The following PRUNE2 variants were observed in gnomAD, a reference collection of about 807,000 sequenced individuals.
The protein encoded by PRUNE2 is prune homolog 2 with BCH domain.
Under a neutral mutation model 252.0 loss-of-function variants are expected in PRUNE2, and 164 were observed. The observed-to-expected ratio is 0.65, with a 90% CI of 0.57 to 0.74. The LOEUF (loss-of-function observed/expected upper bound fraction) is 0.74, where lower values mean the gene tolerates loss of function less well. Among genes scored for constraint, PRUNE2 ranks in the 30% least tolerant of loss-of-function variants. The pLI is 0.00. For missense variants in PRUNE2, 3,495 were observed against 3,711.0 expected, an observed-to-expected ratio of 0.94 and a Z score of 1.51; for synonymous variants, 1,292 against 1,350.2, an observed-to-expected ratio of 0.96 and a Z score of 0.94.
At chr9:76,702,749 A>G (rs2045993643) in intron 9 of PRUNE2, among the ~76,000 whole-genome samples, 1 of 152,224 alleles carries the variant, frequency 6.6e-6, no homozygotes, top group Admixed American at 6.5e-5. Context: ...AGGTGCTTAC[A>G]TAAAACCAGA....
chr9:76,619,062 C>A (rs1168513506), intron 18 of PRUNE2, among the ~76,000 whole-genome samples: 2 of 152,214 alleles, frequency 1.3e-5, no homozygotes, highest in Non-Finnish European at 2.9e-5. Flanking sequence ...CCCAAATGTT[C>A]TTACATCTGG....
At chr9:76,676,182 CCTGCGG>C (rs761152538) in intron 9 of PRUNE2, among the ~76,000 whole-genome samples, 15 of 151,256 alleles carry the variant, frequency 9.9e-5, no homozygotes, top group Non-Finnish European at 2.1e-4. Context: ...GCTTGTTTAA[CCTGCGG>C]CTGCAGATGG....
chr9:76,634,053 A>C, intron 15 of PRUNE2, among the ~76,000 whole-genome samples: 1 of 152,238 alleles, frequency 6.6e-6, no homozygotes, highest in African/African-American at 2.4e-5. Context: ...CTGAGGCTGC[A>C]GTAAGCCATG....
chr9:76,615,130 G>T (rs557212048), intron 18 of PRUNE2: 1 of 985,554 alleles, frequency 1.0e-6, no homozygotes, highest in African/African-American at 1.7e-5. Context: ...CTAAAGAAAA[G>T]CTTGTTTTTC....
chr9:76,645,761 G>A (rs1844588086), intron 11 of PRUNE2, among the ~76,000 whole-genome samples: 1 of 152,092 alleles, frequency 6.6e-6, no homozygotes, highest in Admixed American at 6.5e-5. Context: ...TAATCTGAAA[G>A]AAAAGATTAT....
rs375607609 is a variant in PRUNE2 at position 76,684,877 on chromosome 9, G to T, written c.8276+18460C>A. On this transcript the variant is annotated intron_variant, in intron 9 of 18. Coordinates refer to ENST00000376718, the MANE Select transcript of PRUNE2 (RefSeq NM_015225.3). ...AGCAATTCTTCTGCATCAGCCTCCC[G>T]AGTAGCTGGGATTACAGGAGTGCAC... 8.0e-4 allele frequency among the ~76,000 whole-genome samples: 122 copies of T among 152,176 alleles called. 2 individuals carry two copies. The East Asian group carries it at 0.018, about 22-fold the overall frequency.
rs1840682300 is a variant in PRUNE2 at position 76,637,504 on chromosome 9, C to A, written c.8877G>T (p.Met2959Ile). The A allele has an allele frequency of 6.2e-7, 1 of 1,613,184 alleles. No homozygotes were observed. Among genetic ancestry groups the A allele is most frequent in the African/African-American group, 1.3e-5 (1 of 74,886 alleles). ...GGGTTGCACCATTCAAGTACACAATCATATAGTCTTCAGCTACCATCAACT... is the reference window on the plus strand; with the variant it reads ...GGGTTGCACCATTCAAGTACACAATAATATAGTCTTCAGCTACCATCAACT... ...TLELMVAEDY[M>I]IVYLNGATPR... Residue 2959 changes from methionine to isoleucine, a missense_variant, in exon 14 of 19, where the codon ATG becomes ATT. Physicochemically the swap from Met to Ile is conservative, Grantham distance 10. Transcript: ENST00000376718.
At chr9:76,823,067 G>A (rs1443194114) in intron 6 of PRUNE2, among the ~76,000 whole-genome samples, 1 of 152,110 alleles carries the variant, frequency 6.6e-6, no homozygotes, top group Non-Finnish European at 1.5e-5. Flanking sequence ...TCCCAAAGTA[G>A]ACAAAAGATA....
chr9:76,903,561 A>G (rs2063306661), intron 1 of PRUNE2, among the ~76,000 whole-genome samples: 1 of 152,142 alleles, frequency 6.6e-6, no homozygotes, highest in Non-Finnish European at 1.5e-5. Flanking sequence ...GGATTGGCTG[A>G]ATTTTTAAAA....
chr9:76,852,962 T>C (rs2060051020), intron 2 of PRUNE2, among the ~76,000 whole-genome samples: 1 of 152,180 alleles, frequency 6.6e-6, no homozygotes, highest in Non-Finnish European at 1.5e-5. Flanking sequence ...TCCACGCCAC[T>C]ATCACTCTAA....
intron 7 of PRUNE2, among the ~76,000 whole-genome samples, chr9:76,712,910 A>G (rs1286332517): frequency 6.6e-6 from 1 of 152,192 alleles, no homozygotes; most frequent in African/African-American, 2.4e-5. Context: ...CTAGCCACCC[A>G]TGGATACATA....
At chr9:76,803,353 C>T (rs1157526988) in intron 6 of PRUNE2, among the ~76,000 whole-genome samples, 1 of 152,112 alleles carries the variant, frequency 6.6e-6, no homozygotes, top group Non-Finnish European at 1.5e-5. Flanking sequence ...TTGGAGGAAG[C>T]AGTAACCTAT....
intron 6 of PRUNE2, among the ~76,000 whole-genome samples, chr9:76,780,584 G>A (rs1018124014): frequency 6.6e-5 from 10 of 152,198 alleles, no homozygotes; most frequent in East Asian, 3.9e-4. Context: ...CCAGCTACTC[G>A]GGAGGCTGAG....
chr9:76,874,626 G>A (rs1427450283), intron 1 of PRUNE2, among the ~76,000 whole-genome samples: 1 of 152,140 alleles, frequency 6.6e-6, no homozygotes, highest in African/African-American at 2.4e-5. Context: ...AGCTTCATTT[G>A]GTATTGCTGC....
At chr9:76,642,013 AAAAAGAAAAG>A in intron 12 of PRUNE2, 1 of 1,372,974 alleles carries the variant, frequency 7.3e-7, no homozygotes, top group South Asian at 1.4e-5. Context: ...AAAAAAAAAA[AAAAAGAAAAG>A]AAAAAGAAAA....
At chr9:76,624,547 A>C in intron 16 of PRUNE2, 57 bp from the exon 17 acceptor site, 1 of 1,260,432 alleles carries the variant, frequency 7.9e-7, no homozygotes, top group South Asian at 2.3e-5. Context: ...CAAGCACAGC[A>C]TGAGACAGTC....
intron 6 of PRUNE2, among the ~76,000 whole-genome samples, chr9:76,818,798 TAA>T (rs1247686140): frequency 6.6e-6 from 1 of 152,244 alleles, no homozygotes; most frequent in Non-Finnish European, 1.5e-5. Context: ...CTTAAAATTT[TAA>T]GTTTTATTCT....
At chr9:76,770,091 T>C (rs2052923546) in intron 6 of PRUNE2, among the ~76,000 whole-genome samples, 1 of 152,190 alleles carries the variant, frequency 6.6e-6, no homozygotes, top group Non-Finnish European at 1.5e-5. Context: ...TTATTGTTAA[T>C]GCACCAAAAA....
intron 6 of PRUNE2, among the ~76,000 whole-genome samples, chr9:76,816,603 G>A (rs188630775): frequency 1.3e-5 from 2 of 152,248 alleles, no homozygotes; most frequent in Non-Finnish European, 2.9e-5. Flanking sequence ...TTTGTCATTT[G>A]CTTTAAGTGC....
Sources: gnomAD v4.1 joint callset for allele counts (sites outside exome capture counted in the v4.1 genomes callset) on GRCh38, gnomAD v4.1.1 for gene constraint, MANE v1.5 for transcripts, NCBI Gene and HGNC (gene_info 2026-07-23, HGNC 2026-07-21) for gene names.